The following TMEM45A variants were observed in gnomAD, a reference collection of about 807,000 sequenced individuals.
The protein encoded by TMEM45A is DNA polymerase-transactivated protein 4.
In TMEM45A, 25 loss-of-function variants were observed where a neutral mutation model predicts 32.0. That is an observed-to-expected ratio of 0.78 (90% CI 0.57 to 1.09). The LOEUF is 1.09. Among genes scored for constraint, TMEM45A ranks in the 50% least tolerant of loss-of-function variants. TMEM45A has a pLI of 0.00. For missense variants in TMEM45A, 302 were observed against 325.0 expected (o/e 0.93, Z 0.54); for synonymous variants, 122 against 114.8 (o/e 1.06, Z -0.40).
chr3:100,566,127 G>A (rs1706431264), intron 4 of TMEM45A, among the ~76,000 whole-genome samples: 1 of 151,992 alleles, frequency 6.6e-6, no homozygotes, highest in Non-Finnish European at 1.5e-5. Flanking sequence ...TCGATTGATA[G>A]TCCCTTGTAT....
At chr3:100,526,110 CTG>C (rs1249833347) in intron 1 of TMEM45A, among the ~76,000 whole-genome samples, 4 of 152,214 alleles carry the variant, frequency 2.6e-5, no homozygotes, top group African/African-American at 7.2e-5. Context: ...TTCATATACT[CTG>C]TGTGACGCTG....
In TMEM45A at chr3:100,577,266, T is replaced by C; in HGVS notation, c.*248T>C. ...TATTCAGGGGCTAGAGTGATTTTTT[T>C]CCAGATTATCTAAAGTTGGATGCCC... On this transcript the variant is annotated 3_prime_UTR_variant, in exon 6 of 6. Coordinates refer to ENST00000323523, the MANE Select transcript of TMEM45A (RefSeq NM_018004.3). 2.9e-6 allele frequency: 1 copy of C among 342,012 alleles called. No homozygotes were observed. Among genetic ancestry groups the C allele is most frequent in the Non-Finnish European group, 5.3e-6 (1 of 189,514 alleles). 21.2% of individuals were successfully genotyped at this position (342,012 alleles called of 1,614,324 possible). A position where few individuals can be genotyped will look rare whatever the true frequency, so the allele number is the denominator to read the frequency against.
At chr3:100,535,574 A>G (rs1705726498) in intron 1 of TMEM45A, among the ~76,000 whole-genome samples, 1 of 152,146 alleles carries the variant, frequency 6.6e-6, no homozygotes, top group South Asian at 2.1e-4. Flanking sequence ...GACATGGGGC[A>G]TTATGTCTAA....
chr3:100,541,387 A>C (rs1339540294), intron 1 of TMEM45A, among the ~76,000 whole-genome samples: 1 of 152,172 alleles, frequency 6.6e-6, no homozygotes, highest in East Asian at 1.9e-4. Context: ...GGACTTAGTC[A>C]AAAATCCTTT....
chr3:100,563,650 TG>T (rs1347171279), intron 4 of TMEM45A, among the ~76,000 whole-genome samples: 2 of 152,206 alleles, frequency 1.3e-5, no homozygotes, highest in Non-Finnish European at 2.9e-5. Context: ...CTTAGATAAC[TG>T]GGCCTTTGAA....
intron 4 of TMEM45A, among the ~76,000 whole-genome samples, chr3:100,566,844 T>C (rs974692022): frequency 6.6e-6 from 1 of 152,098 alleles, no homozygotes; most frequent in African/African-American, 2.4e-5. Context: ...AAATTTTTTG[T>C]TGTTGTTAAG....
chr3:100,499,144 TACCTTTCC>T (rs965444870), intron 1 of TMEM45A, among the ~76,000 whole-genome samples: 24 of 152,366 alleles, frequency 1.6e-4, no homozygotes, highest in Non-Finnish European at 2.8e-4. Flanking sequence ...TTCTTCGGGT[TACCTTTCC>T]ACTGAGTTGG....
At chr3:100,539,467 G>GCA (rs1705813118) in intron 1 of TMEM45A, among the ~76,000 whole-genome samples, 3 of 137,636 alleles carry the variant, frequency 2.2e-5, no homozygotes, top group East Asian at 4.2e-4. Flanking sequence ...ATATGTATAT[G>GCA]TATATGTATA....
chr3:100,510,256 ATG>A (rs1708138100), intron 1 of TMEM45A, among the ~76,000 whole-genome samples: 1 of 152,240 alleles, frequency 6.6e-6, no homozygotes, highest in Non-Finnish European at 1.5e-5. Context: ...TTCTCCCAGC[ATG>A]CAGCTGGAGA....
chr3:100,563,118 TC>T (rs2148989307), intron 4 of TMEM45A, among the ~76,000 whole-genome samples: 1 of 152,364 alleles, frequency 6.6e-6, no homozygotes, highest in South Asian at 2.1e-4. Flanking sequence ...GGAGAATCTG[TC>T]CCATGCTGAT....
At chr3:100,519,366 A>G in intron 1 of TMEM45A, 1 of 568,914 alleles carries the variant, frequency 1.8e-6, no homozygotes, top group South Asian at 2.3e-5. Context: ...ACATGCATAC[A>G]GGTTGTGTGT....
chr3:100,558,678 C>G (rs1484619590), intron 4 of TMEM45A, 89 bp downstream of exon 4: 1 of 1,305,520 alleles, frequency 7.7e-7, no homozygotes, highest in African/African-American at 1.5e-5. Flanking sequence ...CCGGAGACTT[C>G]CCTCCAACAT....
intron 1 of TMEM45A, among the ~76,000 whole-genome samples, chr3:100,545,089 G>A (rs879378048): frequency 3.3e-5 from 5 of 152,130 alleles, no homozygotes; most frequent in African/African-American, 9.7e-5. Context: ...TAATGATCTC[G>A]AACATCTTTT....
rs149656679 is a variant in TMEM45A, at chr3:100,552,048, A to C, written c.-3-3161A>C. 3.9e-5 allele frequency among the ~76,000 whole-genome samples: 6 copies of C among 152,336 alleles called. No homozygotes were observed. The East Asian group carries it at 1.2e-3, about 29-fold the overall frequency. On this transcript the variant is annotated intron_variant, in intron 1 of 5. Coordinates refer to ENST00000323523, the MANE Select transcript of TMEM45A (RefSeq NM_018004.3). The stretch of plus-strand genomic sequence containing the variant: ...AGGGCTATTTGGCCTAGAGCTGTAC[A>C]TTCAGGGAAGGCCTGGATTTTAAAA...
chr3:100,547,867 C>A (rs4928063), intron 1 of TMEM45A, among the ~76,000 whole-genome samples: 1 of 151,884 alleles, frequency 6.6e-6, no homozygotes, highest in Non-Finnish European at 1.5e-5. Context: ...GCAGGTGATG[C>A]CATATGACAT....
At chr3:100,501,177 C>T (rs997291907) in intron 1 of TMEM45A, among the ~76,000 whole-genome samples, 8 of 152,226 alleles carry the variant, frequency 5.3e-5, no homozygotes, top group African/African-American at 1.9e-4. Flanking sequence ...TTTTAGTTCT[C>T]TTTTCATTCA....
chr3:100,525,290 G>C (rs1166653602), intron 1 of TMEM45A, among the ~76,000 whole-genome samples: 1 of 151,872 alleles, frequency 6.6e-6, no homozygotes, highest in African/African-American at 2.4e-5. Context: ...GGCTATATTT[G>C]GTTAAATAAA....
chr3:100,524,311 C>T (rs1016361081), intron 1 of TMEM45A, among the ~76,000 whole-genome samples: 4 of 152,214 alleles, frequency 2.6e-5, no homozygotes, highest in Non-Finnish European at 4.4e-5. Context: ...CTCATAATAC[C>T]TCTCTTACCA....
At chr3:100,502,059 T>A (rs1001602185) in intron 1 of TMEM45A, among the ~76,000 whole-genome samples, 14 of 152,198 alleles carry the variant, frequency 9.2e-5, no homozygotes, top group African/African-American at 3.1e-4. Context: ...CTCTAAAAAA[T>A]ATCAAACTGT....
Sources: gnomAD v4.1 joint callset for allele counts (sites outside exome capture counted in the v4.1 genomes callset) on GRCh38, gnomAD v4.1.1 for gene constraint, MANE v1.5 for transcripts, NCBI Gene and HGNC (gene_info 2026-07-23, HGNC 2026-07-21) for gene names.